BCAR3: variants seen among roughly 807,000 people sequenced by gnomAD.
BCAR3 encodes the protein BCAR3 adaptor protein, NSP family member, also known as breast cancer anti-estrogen resistance protein 3.
BCAR3 carries 37 observed loss-of-function variants against 80.1 expected under a neutral mutation model. The observed-to-expected ratio is 0.46, with a 90% CI of 0.36 to 0.61. The LOEUF (loss-of-function observed/expected upper bound fraction) is 0.61, where lower values mean the gene tolerates loss of function less well. Among genes scored for constraint, BCAR3 ranks in the 20% least tolerant of loss-of-function variants. The probability of loss-of-function intolerance (pLI) is 0.00; values close to 1 mark genes in which losing one functional copy is unlikely to be tolerated. For missense variants in BCAR3, 978 were observed against 1,068.2 expected (o/e 0.92, Z 1.18); for synonymous variants, 389 against 418.9 (o/e 0.93, Z 0.87).
At chr1:93,594,465 C>T (rs59777284) in intron 3 of BCAR3, 6,503 of 152,410 alleles carry the variant, frequency 0.043, 222 homozygotes, top group East Asian at 0.14. Context: ...TGGGGAGCCA[C>T]ACCAAGGAAT....
chr1:93,752,855 C>T (rs1254014306), intron 2 of BCAR3: 9 of 152,162 alleles, frequency 5.9e-5, no homozygotes, highest in Admixed American at 5.2e-4. Flanking sequence ...AAAAAGCAGT[C>T]GAAACTGTTG....
intron 2 of BCAR3, among the ~76,000 whole-genome samples, chr1:93,835,591 C>A (rs540309473): frequency 6.6e-6 from 1 of 152,204 alleles, no homozygotes; most frequent in African/African-American, 2.4e-5. Context: ...GGTTACAAGC[C>A]GCTAGCCTGA....
At chr1:93,746,938 T>C (rs1349267156) in intron 2 of BCAR3, among the ~76,000 whole-genome samples, 1 of 152,202 alleles carries the variant, frequency 6.6e-6, no homozygotes, top group Non-Finnish European at 1.5e-5. Context: ...AATCTCTTTT[T>C]ATCTTGTTTC....
intron 3 of BCAR3, among the ~76,000 whole-genome samples, chr1:93,639,616 A>G (rs1187945718): frequency 6.6e-6 from 1 of 151,820 alleles, no homozygotes; most frequent in Non-Finnish European, 1.5e-5. Flanking sequence ...AGCTAGGATT[A>G]CAGATGCCCG....
intron 2 of BCAR3, among the ~76,000 whole-genome samples, chr1:93,736,585 G>A (rs1439924182): frequency 6.6e-6 from 1 of 152,212 alleles, no homozygotes; most frequent in African/African-American, 2.4e-5. Context: ...AGAAATATGT[G>A]TGATTCCTTT....
chr1:93,790,178 G>A (rs1653091572), intron 2 of BCAR3, among the ~76,000 whole-genome samples: 1 of 152,018 alleles, frequency 6.6e-6, no homozygotes, highest in East Asian at 1.9e-4. Flanking sequence ...AGAAATATTA[G>A]AAAAATAATA....
intron 3 of BCAR3, among the ~76,000 whole-genome samples, chr1:93,623,257 T>C (rs1026933335): frequency 1.3e-5 from 2 of 152,134 alleles, no homozygotes; most frequent in African/African-American, 2.4e-5. Flanking sequence ...ATAGAGATAA[T>C]AGAAATATAG....
In BCAR3 at chr1:93,607,554, C is replaced by T. The variant is rs557281245; in HGVS notation, c.358-15161G>A. Reference sequence around the variant, plus strand: ...AACTCATCCCACACATAGAGTCCAACGCCCAAGCTCTCACTCACTCCGCAT... The same window carrying T: ...AACTCATCCCACACATAGAGTCCAATGCCCAAGCTCTCACTCACTCCGCAT... On this transcript the variant is annotated intron_variant, in intron 3 of 11. Transcript: ENST00000260502. Among the ~76,000 whole-genome samples the T allele has an allele frequency of 2.6e-5, 4 of 151,978 alleles. No homozygotes were observed. The South Asian group carries it at 6.2e-4, about 24-fold the overall frequency.
At chr1:93,802,524 G>A (rs1653518146) in intron 2 of BCAR3, among the ~76,000 whole-genome samples, 1 of 152,190 alleles carries the variant, frequency 6.6e-6, no homozygotes, top group Non-Finnish European at 1.5e-5. Context: ...AGAGCTCTAA[G>A]TTCTGCCTTG....
At position 93,674,954 on chromosome 1, in the gene BCAR3, GAA is replaced by G. The variant is rs1432503061; in HGVS notation, c.-11-15_-11-14del. The G allele has an allele frequency of 6.6e-7, 1 of 1,511,632 alleles. No individual in the cohort carries two copies. The highest frequency in any genetic ancestry group is 1.4e-5 in the African/African-American group (1 of 71,162). The allele number at this position is 1,511,632 out of a possible 1,614,324, so 93.6% of individuals were successfully genotyped here. Reference sequence around the variant, plus strand: ...ATAATTCTCAACTCTAAGGGGGAAAGAAAAGAGTGAAGGTATAAATCTATGAG... The same window carrying G: ...ATAATTCTCAACTCTAAGGGGGAAAGAAGAGTGAAGGTATAAATCTATGAG... On this transcript the variant is annotated splice_polypyrimidine_tract_variant and intron_variant, in intron 1 of 11. Coordinates refer to ENST00000260502, the MANE Select transcript of BCAR3 (RefSeq NM_003567.4).
intron 2 of BCAR3, among the ~76,000 whole-genome samples, chr1:93,755,757 T>A (rs989017371): frequency 2.0e-5 from 3 of 152,200 alleles, no homozygotes; most frequent in Non-Finnish European, 4.4e-5. Context: ...TGAAGAGGTA[T>A]GTGTGTGTTG....
chr1:93,633,330 C>A (rs1675682869), intron 3 of BCAR3, among the ~76,000 whole-genome samples: 2 of 152,192 alleles, frequency 1.3e-5, no homozygotes, highest in African/African-American at 4.8e-5. Flanking sequence ...ATAACTGGGT[C>A]TTAATTCTAT....
chr1:93,752,924 T>C (rs1434415329), intron 2 of BCAR3: 4 of 152,354 alleles, frequency 2.6e-5, no homozygotes, highest in Non-Finnish European at 4.4e-5. Context: ...AGTACACTGG[T>C]TATAGCTATG....
At chr1:93,827,960 C>T (rs978180767) in intron 2 of BCAR3, among the ~76,000 whole-genome samples, 1 of 152,130 alleles carries the variant, frequency 6.6e-6, no homozygotes, top group Non-Finnish European at 1.5e-5. Context: ...CCTCATTCTT[C>T]CCAGTCATAG....
intron 3 of BCAR3, among the ~76,000 whole-genome samples, chr1:93,704,562 A>C (rs1477811518): frequency 6.6e-6 from 1 of 152,176 alleles, no homozygotes; most frequent in Non-Finnish European, 1.5e-5. Flanking sequence ...TAGCTATTAT[A>C]CTACACTTCA....
chr1:93,571,193 G>A (rs528245933), intron 9 of BCAR3, among the ~76,000 whole-genome samples: 1 of 147,764 alleles, frequency 6.8e-6, no homozygotes, highest in South Asian at 2.1e-4. Flanking sequence ...AACAGAGCGA[G>A]ACTTCGTTTA....
At chr1:93,767,992 G>C (rs1652213117) in intron 2 of BCAR3, among the ~76,000 whole-genome samples, 1 of 152,194 alleles carries the variant, frequency 6.6e-6, no homozygotes, top group Non-Finnish European at 1.5e-5. Context: ...TGAGGTTTGT[G>C]CTCTGCCTTA....
intron 2 of BCAR3, among the ~76,000 whole-genome samples, chr1:93,661,689 C>T (rs1203356337): frequency 6.7e-6 from 1 of 149,584 alleles, no homozygotes; most frequent in African/African-American, 2.5e-5. Flanking sequence ...GGGTTTCACC[C>T]TGTTGGTCAG....
At position 93,634,720 on chromosome 1, in the gene BCAR3, C is replaced by CAACAAA. The variant is rs201051828; in HGVS notation, c.357+7583_357+7584insTTTGTT. Among the ~76,000 whole-genome samples the CAACAAA allele has an allele frequency of 3.1e-5, 4 of 129,510 alleles. No individual in the cohort carries two copies. In the East Asian group the frequency reaches 6.6e-4, roughly 21 times the overall value. The allele number at this position is 129,510 out of a possible 152,430, so 85.0% of individuals were successfully genotyped here. ...AAAACAACAACAACAACAACAACAA[C>CAACAAA]AAAAAAAAAACGGAGTTTCCCTGCA... On this transcript the variant is annotated intron_variant, in intron 3 of 11. Transcript: ENST00000260502.
Sources: gnomAD v4.1 joint callset for allele counts (sites outside exome capture counted in the v4.1 genomes callset) on GRCh38, gnomAD v4.1.1 for gene constraint, MANE v1.5 for transcripts, NCBI Gene and HGNC (gene_info 2026-07-23, HGNC 2026-07-21) for gene names.